Variants in SLCO1B1 observed in about 807,000 individuals in gnomAD.
The protein encoded by SLCO1B1 is OATP-2.
A neutral mutation model predicts 70.1 loss-of-function variants in SLCO1B1; 81 were observed. That is an observed-to-expected ratio of 1.16 (90% confidence interval 0.97 to 1.39). The LOEUF is 1.39. SLCO1B1 is among the 40% of genes most tolerant of loss of function. The pLI is 0.00. For missense variants in SLCO1B1, 895 were observed against 799.6 expected, an observed-to-expected ratio of 1.12 and a Z score of -1.44; for synonymous variants, 283 against 271.5, an observed-to-expected ratio of 1.04 and a Z score of -0.42.
chr12:21,217,013 A>G (rs1034416358), intron 11 of SLCO1B1, 106 bp from the exon 12 acceptor site: 1 of 825,324 alleles, frequency 1.2e-6, no homozygotes, highest in Non-Finnish European at 2.0e-6. Flanking sequence ...AACTGTAAAT[A>G]TATTAGTTTG....
chr12:21,211,703 G>T (rs1042919487), intron 11 of SLCO1B1, among the ~76,000 whole-genome samples: 28 of 152,104 alleles, frequency 1.8e-4, no homozygotes, highest in African/African-American at 3.1e-4. Context: ...GACTCTTTTT[G>T]GTTGGTAAGC....
chr12:21,152,267 T>C (rs1940481021), intron 2 of SLCO1B1, among the ~76,000 whole-genome samples: 1 of 152,012 alleles, frequency 6.6e-6, no homozygotes, highest in African/African-American at 2.4e-5. Context: ...ATTGCTCTGT[T>C]CTTGTGTGCT....
In SLCO1B1 at chr12:21,228,584, C is replaced by T. The variant is rs542936535; in HGVS notation, c.1865+3745C>T. ...ATTATTTGGTTGGGCCCAATATAAC[C>T]ACAAATATCCTAAAAAATAAAAAGA... On this transcript the variant is annotated intron_variant, in intron 14 of 14. Transcript: ENST00000256958. Among the ~76,000 whole-genome samples the T allele has an allele frequency of 2.6e-4, 40 of 152,092 alleles. No homozygotes were observed. The South Asian group carries it at 8.1e-3, about 31-fold the overall frequency.
intron 3 of SLCO1B1, 111 bp downstream of exon 3, chr12:21,172,902 C>T (rs749016038): frequency 1.2e-5 from 12 of 1,027,072 alleles, no homozygotes; most frequent in Middle Eastern, 2.2e-4. Context: ...GGCAATTTGG[C>T]AATAACTAAA....
chr12:21,134,923 G>A (rs1182956366), intron 1 of SLCO1B1, among the ~76,000 whole-genome samples: 5 of 152,148 alleles, frequency 3.3e-5, no homozygotes, highest in African/African-American at 7.2e-5. Flanking sequence ...TAATTGTGAT[G>A]TTGGGGTGTC....
intron 7 of SLCO1B1, among the ~76,000 whole-genome samples, chr12:21,186,001 A>T (rs1323365848): frequency 1.3e-5 from 2 of 152,064 alleles, no homozygotes; most frequent in Non-Finnish European, 2.9e-5. Flanking sequence ...ACCAGAAAAA[A>T]AGTGAAAACC....
intron 11 of SLCO1B1, among the ~76,000 whole-genome samples, chr12:21,214,898 G>A (rs1941339463): frequency 6.6e-6 from 1 of 151,952 alleles, no homozygotes; most frequent in Non-Finnish European, 1.5e-5. Flanking sequence ...TCCCAAGCCA[G>A]GCAATGCCTC....
intron 11 of SLCO1B1, among the ~76,000 whole-genome samples, chr12:21,214,152 T>C: frequency 6.6e-6 from 1 of 152,210 alleles, no homozygotes; most frequent in Non-Finnish European, 1.5e-5. Flanking sequence ...TTTCTATAGT[T>C]TCCAGTTTTT....
rs373456941 is a variant in SLCO1B1, at chr12:21,190,232, C to T, written c.728-6714C>T. Among the ~76,000 whole-genome samples the T allele has an allele frequency of 2.8e-4, 42 of 152,318 alleles. No homozygotes were observed. In the South Asian group the frequency reaches 7.0e-3, roughly 26 times the overall value. On this transcript the variant is annotated intron_variant, in intron 7 of 14. Transcript: ENST00000256958. ...AAACTGACCTTTGACCATCCGTACA[C>T]GTGACTGTTCCCAGTAAGGGGGAAC...
chr12:21,138,491 C>T (rs1940259581), intron 1 of SLCO1B1, among the ~76,000 whole-genome samples: 1 of 152,146 alleles, frequency 6.6e-6, no homozygotes, highest in Non-Finnish European at 1.5e-5. Flanking sequence ...TTTAGTCAAG[C>T]ATAAATTAAT....
chr12:21,213,407 G>C (rs1249888086), intron 11 of SLCO1B1, among the ~76,000 whole-genome samples: 1 of 151,704 alleles, frequency 6.6e-6, no homozygotes, highest in Non-Finnish European at 1.5e-5. Context: ...CTCTCTTCTG[G>C]CTTATAGGGT....
chr12:21,152,532 G>GATTTTTTTTTTTTTT (rs1321105425), intron 2 of SLCO1B1, among the ~76,000 whole-genome samples: 1 of 7,918 alleles, frequency 1.3e-4, no homozygotes, highest in Non-Finnish European at 6.1e-4. Context: ...GAGAGGAGAG[G>GATTTTTTTTTTTTTT]CTTTTTTTTT....
chr12:21,230,250 T>C (rs1941519813), intron 14 of SLCO1B1, among the ~76,000 whole-genome samples: 1 of 152,082 alleles, frequency 6.6e-6, no homozygotes, highest in Admixed American at 6.6e-5. Context: ...TATTTATACA[T>C]TGTTGGATTC....
In SLCO1B1 at chr12:21,217,304, G is replaced by A; in HGVS notation, c.1682+1G>A. ...CCTCACATGTCATGCTGATTGTTAAGTAAGTATGACTTTTAAAAACATTTT... is the reference window on the plus strand; with the variant it reads ...CCTCACATGTCATGCTGATTGTTAAATAAGTATGACTTTTAAAAACATTTT... On this transcript the variant is annotated splice_donor_variant, in intron 12 of 14. Coordinates refer to ENST00000256958, the MANE Select transcript of SLCO1B1 (RefSeq NM_006446.5). LOFTEE classifies it high-confidence loss of function. 1.2e-6 allele frequency: 2 copies of A among 1,612,146 alleles called. No homozygotes were observed. Among genetic ancestry groups the A allele is most frequent in the South Asian group, 1.1e-5 (1 of 91,048 alleles).
At chr12:21,174,022 G>C (rs1477454166) in intron 3 of SLCO1B1, among the ~76,000 whole-genome samples, 1 of 152,036 alleles carries the variant, frequency 6.6e-6, no homozygotes, top group African/African-American at 2.4e-5. Flanking sequence ...CTCCTAAAGT[G>C]CTGGGATTAC....
rs11045819 is a variant in SLCO1B1 at position 21,176,879 on chromosome 12, C to T, written c.463C>T (p.Pro155Ser). The part of the protein sequence containing the change: ...NQILSLNRAS[P>S]EIVGKGCLKE... ...AATTTTATCACTCAATAGAGCATCA[C>T]CTGAGATAGTGGGAAAAGGTAAGAA... Residue 155 changes from proline to serine, a missense_variant, in exon 5 of 15, where the codon CCT becomes TCT. Pro to Ser is a moderately conservative substitution (Grantham distance 74). Coordinates refer to ENST00000256958, the MANE Select transcript of SLCO1B1 (RefSeq NM_006446.5). 1.3e-6 allele frequency: 2 copies of T among 1,532,110 alleles called. No individual in the cohort carries two copies. The highest frequency in any genetic ancestry group is 2.2e-5 in the East Asian group (1 of 44,588). The allele number at this position is 1,532,110 out of a possible 1,614,324, so 94.9% of individuals were successfully genotyped here. A position where few individuals can be genotyped will look rare whatever the true frequency, so the allele number is the denominator to read the frequency against.
Position 21,178,647 on chromosome 12 carries a change from G to T in SLCO1B1, c.553G>T (p.Glu185Ter). ...FMGNMLRGIG[E>*]TPIVPLGLSY... ...GGGTAATATGCTTCGTGGAATAGGG[G>T]AGACTCCCATAGTACCATTGGGGCT... Residue 185 changes from glutamate (E) to a stop codon, truncating the protein, a stop_gained, in exon 6 of 15, where the codon GAG becomes TAG. Transcript: ENST00000256958. LOFTEE classifies it high-confidence loss of function. 4 of 1,606,828 alleles carry T rather than the reference G, an allele frequency of 2.5e-6. No individual in the cohort carries two copies. Among genetic ancestry groups the T allele is most frequent in the African/African-American group, 1.3e-5 (1 of 74,896 alleles).
chr12:21,153,091 C>T (rs1005082711), intron 2 of SLCO1B1, among the ~76,000 whole-genome samples: 1 of 152,028 alleles, frequency 6.6e-6, no homozygotes, highest in East Asian at 1.9e-4. Flanking sequence ...TTTGTAATCA[C>T]CTATTTGTCT....
chr12:21,202,248 T>C (rs1941167066), intron 9 of SLCO1B1, among the ~76,000 whole-genome samples: 1 of 152,000 alleles, frequency 6.6e-6, no homozygotes, highest in South Asian at 2.1e-4. Context: ...TTAGGACAAA[T>C]ACCTAATGCA....
Sources: gnomAD v4.1 joint callset for allele counts (sites outside exome capture counted in the v4.1 genomes callset) on GRCh38, gnomAD v4.1.1 for gene constraint, MANE v1.5 for transcripts, NCBI Gene and HGNC (gene_info 2026-07-23, HGNC 2026-07-21) for gene names.